DENND2D: variants seen among roughly 807,000 people sequenced by gnomAD.
The protein encoded by DENND2D is DENN domain-containing protein 2D.
In DENND2D, 37 loss-of-function variants were observed where a neutral mutation model predicts 59.8. That is an observed-to-expected ratio of 0.62 (90% CI 0.48 to 0.81). The LOEUF is 0.81. DENND2D is among the 40% of genes least tolerant of loss of function. The pLI is 0.00. For missense variants in DENND2D, 525 were observed against 579.7 expected (o/e 0.91, Z 0.97); for synonymous variants, 219 against 211.3 (o/e 1.04, Z -0.31).
rs1047156018 is a variant in DENND2D at position 111,186,078 on chromosome 1, C to T, written c.*1527G>A. The stretch of plus-strand genomic sequence containing the variant: ...GTGCTTCCTTCAGCCCTAAATACAG[C>T]ATTAGCATCAAATCAAGGGTACATT... On this transcript the variant is annotated 3_prime_UTR_variant, in exon 12 of 12. Coordinates refer to ENST00000357640, the MANE Select transcript of DENND2D (RefSeq NM_024901.5). Among the ~76,000 whole-genome samples, 1 of 152,168 alleles carries T rather than the reference C, an allele frequency of 6.6e-6. No homozygotes were observed. Among genetic ancestry groups the T allele is most frequent in the Admixed American group, 6.5e-5 (1 of 15,272 alleles).
upstream of DENND2D, chr1:111,204,170 C>T (rs959989963): frequency 4.9e-6 from 5 of 1,018,496 alleles, no homozygotes; most frequent in Non-Finnish European, 6.5e-6. Flanking sequence ...CCTCCTGAGT[C>T]CCCTTCCAAC....
chr1:111,200,073 C>CG, intron 1 of DENND2D: 1 of 552,202 alleles, frequency 1.8e-6, no homozygotes, highest in Non-Finnish European at 3.2e-6. Context: ...ACATGGAGGC[C>CG]AAGGCCCCAG....
At chr1:111,198,848 G>C in intron 2 of DENND2D, 106 bp from the exon 3 acceptor site, 2 of 1,141,218 alleles carry the variant, frequency 1.8e-6, no homozygotes, top group Non-Finnish European at 2.6e-6. Flanking sequence ...AGCAGTCTAG[G>C]GTTAAGCTTC....
In DENND2D at chr1:111,199,613, C is replaced by CA; in HGVS notation, c.243+9dup. Reference sequence around the variant, plus strand: ...CCTCTGGCTGGCCCTGCCCCTCCTTCAGTCCTTACCTTGGGAAATTGGTAG... The same window carrying CA: ...CCTCTGGCTGGCCCTGCCCCTCCTTCAAGTCCTTACCTTGGGAAATTGGTAG... On this transcript the variant is annotated intron_variant, in intron 2 of 11. Coordinates refer to ENST00000357640, the MANE Select transcript of DENND2D (RefSeq NM_024901.5). 1 of 1,609,698 alleles carries CA rather than the reference C, an allele frequency of 6.2e-7. No homozygotes were observed. The highest frequency in any genetic ancestry group is 8.5e-7 in the Non-Finnish European group (1 of 1,177,332).
upstream of DENND2D, among the ~76,000 whole-genome samples, chr1:111,203,007 T>A (rs1658962218): frequency 6.6e-6 from 1 of 152,152 alleles, no homozygotes; most frequent in South Asian, 2.1e-4. Flanking sequence ...TCCCAGGGTC[T>A]GGGAAGACCA....
At position 111,186,325 on chromosome 1, in the gene DENND2D, C is replaced by T. The variant is rs1657252062; in HGVS notation, c.*1280G>A. Reference sequence around the variant, plus strand: ...CAAAAAAAAATGTAATTCCTAGAAGCTGTGAAGAATAGTAGTGTAGCTAAG... The same window carrying T: ...CAAAAAAAAATGTAATTCCTAGAAGTTGTGAAGAATAGTAGTGTAGCTAAG... On this transcript the variant is annotated 3_prime_UTR_variant, in exon 12 of 12. Transcript: ENST00000357640. 6.6e-6 allele frequency among the ~76,000 whole-genome samples: 1 copy of T among 152,146 alleles called. No individual in the cohort carries two copies. Among genetic ancestry groups the T allele is most frequent in the South Asian group, 2.1e-4 (1 of 4,824 alleles).
At chr1:111,190,175 A>AC (rs1204013389) in intron 8 of DENND2D, among the ~76,000 whole-genome samples, 2 of 114,568 alleles carry the variant, frequency 1.7e-5, no homozygotes, top group Admixed American at 2.6e-4. Flanking sequence ...AAAAAAAAAA[A>AC]AAAAAAAACT....
chr1:111,196,988 C>T (rs1329540716), intron 5 of DENND2D, 188 bp downstream of exon 5: 6 of 640,550 alleles, frequency 9.4e-6, no homozygotes, highest in Admixed American at 2.8e-5. Flanking sequence ...GGTCCAGTCC[C>T]CTAGATTCAA....
At position 111,186,201 on chromosome 1, in the gene DENND2D, G is replaced by A. The variant is rs890799941; in HGVS notation, c.*1404C>T. On this transcript the variant is annotated 3_prime_UTR_variant, in exon 12 of 12. Coordinates refer to ENST00000357640, the MANE Select transcript of DENND2D (RefSeq NM_024901.5). ...AGATGATTTGGTGTATTTGTGATGA[G>A]GCATAAGAGGATATTTTCACAAGAT... is the stretch of plus-strand genomic sequence containing the variant. Among the ~76,000 whole-genome samples, 1 of 152,136 alleles carries A rather than the reference G, an allele frequency of 6.6e-6. No individual in the cohort carries two copies. The highest frequency in any genetic ancestry group is 1.5e-5 in the Non-Finnish European group (1 of 68,034).
upstream of DENND2D, among the ~76,000 whole-genome samples, chr1:111,203,875 C>A (rs1659045257): frequency 6.6e-6 from 1 of 152,152 alleles, no homozygotes; most frequent in African/African-American, 2.4e-5. Flanking sequence ...TGGGCAAAGA[C>A]CACGGAGGAC....
In DENND2D at chr1:111,193,566, A is replaced by G. The variant is rs12406264; in HGVS notation, c.794+1012T>C. On this transcript the variant is annotated intron_variant, in intron 7 of 11. Transcript: ENST00000357640. ...CCCATTTTTACAGAATCTTCAACAC[A>G]GAGACCCCACTGCTTGCCCAAGTTT... Among the ~76,000 whole-genome samples the G allele has an allele frequency of 4.6e-3, 694 of 152,308 alleles. 6 individuals are homozygous for G. The highest frequency in any genetic ancestry group is 0.017 in the Middle Eastern group (5 of 294).
At position 111,188,512 on chromosome 1, in the gene DENND2D, G is replaced by A; in HGVS notation, c.1100-142C>T. On this transcript the variant is annotated intron_variant, in intron 10 of 11. Transcript: ENST00000357640. ...GGTTCATAATTACTGACTGAGATGG[G>A]AATCTGGGTATGAGTTCTCTGCCAT... 6 of 1,327,016 alleles carry A rather than the reference G, an allele frequency of 4.5e-6. No homozygotes were observed. The African/African-American group carries it at 5.9e-5, about 13-fold the overall frequency. The allele number at this position is 1,327,016 out of a possible 1,614,324, so 82.2% of individuals were successfully genotyped here.
rs1203204784 is a variant in DENND2D at position 111,186,760 on chromosome 1, G to A, written c.*845C>T. Among the ~76,000 whole-genome samples the A allele has an allele frequency of 2.0e-5, 3 of 152,188 alleles. No homozygotes were observed. The highest frequency in any genetic ancestry group is 4.4e-5 in the Non-Finnish European group (3 of 68,034). On this transcript the variant is annotated 3_prime_UTR_variant, in exon 12 of 12. Transcript: ENST00000357640. ...GATCAGTTGGAGGTAGGATGTCCAAGACTGAAGGTAAAGGACTAGTGCAAA... is the reference window on the plus strand; with the variant it reads ...GATCAGTTGGAGGTAGGATGTCCAAAACTGAAGGTAAAGGACTAGTGCAAA...
rs761346551 is a variant in DENND2D at position 111,187,654 on chromosome 1, T to C, written c.1367A>G (p.Tyr456Cys). ...TTTCTTCTGTTTCTTCTGTTCCTCA[T>C]ATTCAAGTATTTTCTGTTGGAAATA... is the stretch of plus-strand genomic sequence containing the variant. ...AGYFQQKILE[Y>C]EEQKKQKKPR... The change falls in exon 12 of 12, where the codon TAT becomes TGT. Residue 456 changes from tyrosine to cysteine, a missense_variant. Physicochemically the swap from Tyr to Cys is radical, Grantham distance 194 (BLOSUM62 -2). Transcript: ENST00000357640. 2 of 1,613,900 alleles carry C rather than the reference T, an allele frequency of 1.2e-6. No individual in the cohort carries two copies. The highest frequency in any genetic ancestry group is 1.1e-5 in the South Asian group (1 of 91,064).
intron 5 of DENND2D, 74 bp downstream of exon 5, chr1:111,197,102 T>G (rs1343174698): frequency 1.1e-5 from 16 of 1,505,856 alleles, no homozygotes; most frequent in Non-Finnish European, 1.5e-5. Context: ...CACTAAGAGC[T>G]TAGTTGCACA....
upstream of DENND2D, among the ~76,000 whole-genome samples, chr1:111,202,101 C>T (rs1341959822): frequency 6.6e-6 from 1 of 152,210 alleles, no homozygotes; most frequent in African/African-American, 2.4e-5. Context: ...ATGCATTTGA[C>T]ATCAAATACC....
chr1:111,197,814 C>T (rs1214311263), intron 4 of DENND2D, 106 bp downstream of exon 4: 18 of 1,555,506 alleles, frequency 1.2e-5, no homozygotes, highest in Non-Finnish European at 1.6e-5. Flanking sequence ...TTTCTACAAC[C>T]AGTGCTGCCA....
chr1:111,196,216 T>C, intron 5 of DENND2D, 160 bp from the exon 6 acceptor site: 1 of 782,446 alleles, frequency 1.3e-6, no homozygotes, highest in Admixed American at 3.4e-5. Flanking sequence ...TCTCCCTCCC[T>C]GGCAGAGGCT....
chr1:111,189,212 C>T lies in DENND2D; in HGVS notation c.1014G>A (p.Ser338=), dbSNP rs770665145. Reference sequence around the variant, plus strand: ...AGGGGATCTGAACCCAGACACTTACCGACATTAAGAAGGTTCCTTCACAAA... The same window carrying T: ...AGGGGATCTGAACCCAGACACTTACTGACATTAAGAAGGTTCCTTCACAAA... ...VNLCEGTFLM[S]VGDEKDILPP... The change falls in exon 9 of 12, where the codon TCG becomes TCA. Residue 338 remains serine (S), a splice_region_variant and synonymous_variant. Transcript: ENST00000357640. 6.8e-5 allele frequency: 109 copies of T among 1,613,968 alleles called. No individual in the cohort carries two copies. The highest frequency in any genetic ancestry group is 1.5e-4 in the South Asian group (14 of 91,078).
Sources: gnomAD v4.1 joint callset for allele counts (sites outside exome capture counted in the v4.1 genomes callset) on GRCh38, gnomAD v4.1.1 for gene constraint, MANE v1.5 for transcripts, NCBI Gene and HGNC (gene_info 2026-07-23, HGNC 2026-07-21) for gene names.